The following MTM1 variants were observed in gnomAD, a reference collection of about 807,000 sequenced individuals.
The protein encoded by MTM1 is myotubularin.
A neutral mutation model predicts 52.1 loss-of-function variants in MTM1; 9 were observed. That is an observed-to-expected ratio of 0.17 (90% CI 0.10 to 0.30). The LOEUF (loss-of-function observed/expected upper bound fraction) is 0.30, where lower values mean the gene tolerates loss of function less well. Ranked by LOEUF, MTM1 falls within the 10% of genes least tolerant of loss-of-function variation. The pLI is 1.00. For synonymous variants in MTM1, 136 were observed against 163.8 expected (o/e 0.83, Z 1.29); for missense variants, 277 against 470.7 (o/e 0.59, Z 3.81).
At chrX:150,613,180 C>A (rs979847467) in intron 4 of MTM1, among the ~76,000 whole-genome samples, 1 of 108,411 alleles carries the variant, frequency 9.2e-6, no homozygotes, top group African/African-American at 3.3e-5. Context: ...AACTTTGTAG[C>A]CCCAAAAGGT....
At chrX:150,657,007 A>G (rs1427373182) in intron 10 of MTM1, among the ~76,000 whole-genome samples, 15 of 110,832 alleles carry the variant, frequency 1.4e-4, no homozygotes, top group African/African-American at 4.3e-4. Flanking sequence ...AAATAAGAAC[A>G]CTTTTACACT....
At chrX:150,574,470 C>G (rs782364407) in intron 1 of MTM1, among the ~76,000 whole-genome samples, 243 of 111,849 alleles carry the variant, frequency 2.2e-3, no homozygotes, top group African/African-American at 7.5e-3. Context: ...CATATCCTGG[C>G]TTCCCAGTCC....
chrX:150,658,906 C>T (rs1368746915), intron 11 of MTM1, among the ~76,000 whole-genome samples: 3 of 112,238 alleles, frequency 2.7e-5, no homozygotes, highest in Non-Finnish European at 5.6e-5. Context: ...CAAGCTGGAG[C>T]GCAATGGCGT....
chrX:150,669,257 A>T (rs1210003684), intron 14 of MTM1, among the ~76,000 whole-genome samples: 1 of 111,722 alleles, frequency 9.0e-6, no homozygotes, highest in Admixed American at 9.4e-5. Context: ...TATGTACTGC[A>T]TTTTCTTTAT....
At chrX:150,630,424 C>A (rs1405609678) in intron 6 of MTM1, among the ~76,000 whole-genome samples, 1 of 111,497 alleles carries the variant, frequency 9.0e-6, no homozygotes, top group Non-Finnish European at 1.9e-5. Flanking sequence ...CCATAGCAAC[C>A]CAGTATGTTT....
upstream of MTM1, among the ~76,000 whole-genome samples, chrX:150,566,989 G>A (rs2038271046): frequency 9.0e-6 from 1 of 111,648 alleles, no homozygotes; most frequent in Non-Finnish European, 1.9e-5. Context: ...GGAGTTGGCA[G>A]AGCAGACGTG....
rs587783857 is a variant in MTM1, at chrX:150,596,519, C to A, written c.85C>A (p.Arg29=). Residue 29 remains arginine, a synonymous_variant, in exon 3 of 15, where the codon CGA becomes AGA. Coordinates refer to ENST00000370396, the MANE Select transcript of MTM1 (RefSeq NM_000252.3). ...CTAGACGTCTCGAGATGGAGTCAAT[C>A]GAGATCTCACTGAGGCTGTTCCTCG... ...IKRTSRDGVN[R]DLTEAVPRLP... is the part of the protein sequence containing the mutation. 1 of 1,208,958 alleles carries A rather than the reference C, an allele frequency of 8.3e-7. No homozygotes were observed. Among genetic ancestry groups the A allele is most frequent in the African/African-American group, 1.7e-5 (1 of 57,670 alleles).
chrX:150,573,282 CA>C (rs1413231499), intron 1 of MTM1, among the ~76,000 whole-genome samples: 1 of 112,687 alleles, frequency 8.9e-6, no homozygotes, highest in Non-Finnish European at 1.9e-5. Context: ...TTGAATCAGT[CA>C]TTGTCTTGCC....
At chrX:150,566,474 C>T (rs1186741562), upstream of MTM1, among the ~76,000 whole-genome samples, 1 of 111,705 alleles carries the variant, frequency 9.0e-6, no homozygotes, top group African/African-American at 3.3e-5. Flanking sequence ...AAAGTGCTTC[C>T]TCATCTGTTG....
intron 4 of MTM1, among the ~76,000 whole-genome samples, chrX:150,601,493 A>T (rs1557412743): frequency 8.9e-6 from 1 of 112,536 alleles, no homozygotes; most frequent in Non-Finnish European, 1.9e-5. Flanking sequence ...TGAAGTGGAC[A>T]CCTGTTTGTT....
At chrX:150,589,353 G>A (rs967072130) in intron 1 of MTM1, among the ~76,000 whole-genome samples, 1 of 111,199 alleles carries the variant, frequency 9.0e-6, no homozygotes, top group African/African-American at 3.3e-5. Context: ...TTATTTTGGG[G>A]GATCAAAAGT....
intron 6 of MTM1, among the ~76,000 whole-genome samples, chrX:150,622,348 C>A (rs2039497105): frequency 8.9e-6 from 1 of 111,892 alleles, no homozygotes; most frequent in South Asian, 3.7e-4. Flanking sequence ...CAGCCCTTGA[C>A]CCTGCTTTTG....
At chrX:150,563,305 C>CTTTT in the MTM1 span, among the ~76,000 whole-genome samples, 1 of 34,503 alleles carries the variant, frequency 2.9e-5, no homozygotes. Context: ...TAAATCTCAG[C>CTTTT]TTTTTTTTTT....
chrX:150,658,293 G>A (rs1407467635), intron 11 of MTM1, among the ~76,000 whole-genome samples: 1 of 112,069 alleles, frequency 8.9e-6, no homozygotes, highest in Non-Finnish European at 1.9e-5. Flanking sequence ...AGAGAAGGAA[G>A]ACAGACAATT....
intron 7 of MTM1, among the ~76,000 whole-genome samples, chrX:150,640,156 A>G (rs1252715246): frequency 3.6e-5 from 4 of 111,900 alleles, no homozygotes; most frequent in Non-Finnish European, 7.5e-5. Context: ...AACATTTTGC[A>G]TGTTTTGGAG....
intron 2 of MTM1, among the ~76,000 whole-genome samples, chrX:150,593,005 G>A (rs782160921): frequency 2.7e-5 from 3 of 110,993 alleles, no homozygotes; most frequent in Non-Finnish European, 5.7e-5. Flanking sequence ...TACCACACCC[G>A]GCTAATTTTT....
upstream of MTM1, among the ~76,000 whole-genome samples, chrX:150,565,107 A>C (rs1441765456): frequency 8.9e-6 from 1 of 112,414 alleles, no homozygotes; most frequent in Non-Finnish European, 1.9e-5. Flanking sequence ...GTCAGTGCAC[A>C]GGGGCTTACC....
chrX:150,592,763 G>T, intron 2 of MTM1, 86 bp downstream of exon 2: 3 of 599,078 alleles, frequency 5.0e-6, no homozygotes, highest in Admixed American at 4.8e-5. Flanking sequence ...CTGGCCTATT[G>T]AATTATGAAT....
chrX:150,645,938 T>C, intron 9 of MTM1, 67 bp downstream of exon 9: 1 of 1,031,695 alleles, frequency 9.7e-7, no homozygotes, highest in Non-Finnish European at 1.4e-6. Flanking sequence ...TCTGTGAATG[T>C]TTTTGCCATG....
Sources: gnomAD v4.1 joint callset for allele counts (sites outside exome capture counted in the v4.1 genomes callset) on GRCh38, gnomAD v4.1.1 for gene constraint, MANE v1.5 for transcripts, NCBI Gene and HGNC (gene_info 2026-07-23, HGNC 2026-07-21) for gene names.